RGS21: variants seen among roughly 807,000 people sequenced by gnomAD.
RGS21 encodes regulator of G protein signaling 21.
A neutral mutation model predicts 18.7 loss-of-function variants in RGS21; 19 were observed. That is an observed-to-expected ratio of 1.01 (90% CI 0.71 to 1.49). RGS21 has a LOEUF of 1.49. Ranked by LOEUF, RGS21 falls within the 40% of genes most tolerant of loss-of-function variation. The pLI, the probability that RGS21 is intolerant of heterozygous loss-of-function variation, is 0.00. For synonymous variants in RGS21, 56 were observed against 57.8 expected, an observed-to-expected ratio of 0.97 and a Z score of 0.14; for missense variants, 194 against 176.8, an observed-to-expected ratio of 1.10 and a Z score of -0.55.
intron 3 of RGS21, among the ~76,000 whole-genome samples, 159 bp downstream of exon 3, chr1:192,347,548 A>T (rs1198121599): frequency 6.7e-6 from 1 of 148,974 alleles, no homozygotes; most frequent in African/African-American, 2.5e-5. Flanking sequence ...AAATAGAATC[A>T]GGTTGGGGCT....
At chr1:192,324,976 T>C (rs530484431) in intron 1 of RGS21, among the ~76,000 whole-genome samples, 1 of 152,226 alleles carries the variant, frequency 6.6e-6, no homozygotes, top group South Asian at 2.1e-4. Flanking sequence ...AGTTAAATCT[T>C]GGCCTCTTCT....
At chr1:192,363,879 C>T (rs1349959819) in intron 4 of RGS21, among the ~76,000 whole-genome samples, 2 of 152,088 alleles carry the variant, frequency 1.3e-5, no homozygotes, top group Admixed American at 6.6e-5. Flanking sequence ...ATTCTTAGAG[C>T]ACCATCTTCT....
At chr1:192,342,050 G>A (rs1658879102) in intron 1 of RGS21, among the ~76,000 whole-genome samples, 1 of 151,738 alleles carries the variant, frequency 6.6e-6, no homozygotes, top group Non-Finnish European at 1.5e-5. Context: ...ATTAGTCCAG[G>A]GCCACTGATA....
rs540370667 is a variant in RGS21 at position 192,333,881 on chromosome 1, A to G, written c.-60-9096A>G. 9.9e-5 allele frequency among the ~76,000 whole-genome samples: 15 copies of G among 152,278 alleles called. No homozygotes were observed. The South Asian group carries it at 3.1e-3, about 32-fold the overall frequency. On this transcript the variant is annotated intron_variant, in intron 1 of 4. Transcript: ENST00000417209. ...ATTATATAAGATGCAAACCATGCCAACCACTGGGATAGACTGTGCAAAGGA... is the reference window on the plus strand; with the variant it reads ...ATTATATAAGATGCAAACCATGCCAGCCACTGGGATAGACTGTGCAAAGGA...
At chr1:192,355,134 G>A (rs1306174193) in intron 4 of RGS21, among the ~76,000 whole-genome samples, 1 of 151,574 alleles carries the variant, frequency 6.6e-6, no homozygotes, top group African/African-American at 2.4e-5. Context: ...CTAGACCTGG[G>A]TTCAAATCCT....
At chr1:192,334,612 AAC>A (rs935206905) in intron 1 of RGS21, among the ~76,000 whole-genome samples, 25 of 152,268 alleles carry the variant, frequency 1.6e-4, no homozygotes, top group African/African-American at 5.8e-4. Context: ...GGACACAAAA[AAC>A]ACAGAAAAAC....
intron 1 of RGS21, among the ~76,000 whole-genome samples, chr1:192,324,270 C>T (rs1165431025): frequency 1.3e-5 from 2 of 152,012 alleles, no homozygotes; most frequent in Non-Finnish European, 2.9e-5. Context: ...ACAAATTCTA[C>T]AAGATATTTA....
At chr1:192,334,010 A>G (rs1658728348) in intron 1 of RGS21, among the ~76,000 whole-genome samples, 1 of 152,204 alleles carries the variant, frequency 6.6e-6, no homozygotes, top group African/African-American at 2.4e-5. Flanking sequence ...TTAAAATATA[A>G]TTCAAAATTA....
Position 192,334,719 on chromosome 1 carries a change from A to G in RGS21, c.-60-8258A>G, listed in dbSNP as rs375948475. Among the ~76,000 whole-genome samples, 7 of 152,306 alleles carry G rather than the reference A, an allele frequency of 4.6e-5. No homozygotes were observed. The East Asian group carries it at 1.2e-3, about 25-fold the overall frequency. On this transcript the variant is annotated intron_variant, in intron 1 of 4. Transcript: ENST00000417209. Reference sequence around the variant, plus strand: ...AAATATGTGGTATTTATGAGTATGTATATTTAACTACTAAGAGAACAATCC... The same window carrying G: ...AAATATGTGGTATTTATGAGTATGTGTATTTAACTACTAAGAGAACAATCC...
chr1:192,348,023 T>TATATATATATGTA (rs1491172539), intron 3 of RGS21, among the ~76,000 whole-genome samples: 7 of 139,216 alleles, frequency 5.0e-5, no homozygotes, highest in African/African-American at 1.9e-4. Context: ...TATATATGTA[T>TATATATATATGTA]TTTTTTTTTT....
chr1:192,341,664 A>T (rs1158527910), intron 1 of RGS21, among the ~76,000 whole-genome samples: 1 of 152,078 alleles, frequency 6.6e-6, no homozygotes, highest in African/African-American at 2.4e-5. Context: ...CATGCTTGCA[A>T]TTGCACTAAA....
chr1:192,323,014 T>A (rs1658517701), intron 1 of RGS21, among the ~76,000 whole-genome samples: 1 of 152,126 alleles, frequency 6.6e-6, no homozygotes, highest in Non-Finnish European at 1.5e-5. Flanking sequence ...CTGGATTTTA[T>A]ATCATCTTTG....
At chr1:192,351,941 T>C in intron 3 of RGS21, 106 bp from the exon 4 acceptor site, 1 of 606,216 alleles carries the variant, frequency 1.6e-6, no homozygotes, top group South Asian at 2.6e-5. Context: ...GATCAATATT[T>C]GCCACTGAAT....
intron 2 of RGS21, among the ~76,000 whole-genome samples, chr1:192,346,502 TC>T (rs1658946065): frequency 6.6e-6 from 1 of 152,126 alleles, no homozygotes. Flanking sequence ...TGGTTTTATT[TC>T]TGGGCAGCAG....
intron 1 of RGS21, among the ~76,000 whole-genome samples, chr1:192,325,044 A>C (rs529434296): frequency 5.7e-4 from 86 of 151,978 alleles, no homozygotes; most frequent in African/African-American, 2.0e-3. Context: ...TGAATATCTT[A>C]TTTTAGTTTT....
At chr1:192,355,621 T>A (rs1454706356) in intron 4 of RGS21, among the ~76,000 whole-genome samples, 2 of 151,546 alleles carry the variant, frequency 1.3e-5, no homozygotes, top group South Asian at 4.1e-4. Flanking sequence ...TTTTAAAGTA[T>A]CTCTACTTTG....
rs1039056088 is a variant in RGS21 at position 192,367,040 on chromosome 1, T to C, written c.*916T>C. 6.6e-6 allele frequency: 1 copy of C among 152,078 alleles called. No homozygotes were observed. Among genetic ancestry groups the C allele is most frequent in the African/African-American group, 2.4e-5 (1 of 41,440 alleles). 9.4% of individuals were successfully genotyped at this position (152,078 alleles called of 1,614,324 possible). A position where few individuals can be genotyped will look rare whatever the true frequency, so the allele number is the denominator to read the frequency against. On this transcript the variant is annotated 3_prime_UTR_variant, in exon 5 of 5. Coordinates refer to ENST00000417209, the MANE Select transcript of RGS21 (RefSeq NM_001039152.3). Reference sequence around the variant, plus strand: ...TTTCATTCTATATGTAAATATCCTGTGATAAATACGAATAATTTCATTTCA... The same window carrying C: ...TTTCATTCTATATGTAAATATCCTGCGATAAATACGAATAATTTCATTTCA...
intron 1 of RGS21, among the ~76,000 whole-genome samples, chr1:192,333,269 T>TACACACACACACACACACAC (rs137948736): frequency 1.4e-5 from 2 of 142,918 alleles, no homozygotes; most frequent in African/African-American, 5.2e-5. Flanking sequence ...GTTTCTTAAA[T>TACACACACACACACACACAC]ACACACACAC....
At chr1:192,356,871 T>C (rs1659119256) in intron 4 of RGS21, among the ~76,000 whole-genome samples, 1 of 151,802 alleles carries the variant, frequency 6.6e-6, no homozygotes, top group African/African-American at 2.4e-5. Context: ...GAATCATCTC[T>C]GGATACAATG....
Sources: gnomAD v4.1 joint callset for allele counts (sites outside exome capture counted in the v4.1 genomes callset) on GRCh38, gnomAD v4.1.1 for gene constraint, MANE v1.5 for transcripts, NCBI Gene and HGNC (gene_info 2026-07-23, HGNC 2026-07-21) for gene names.